The following DNAH9 variants were observed in gnomAD, a reference collection of about 807,000 sequenced individuals.
DNAH9 encodes the protein dynein axonemal heavy chain 9.
Under a neutral mutation model 471.6 loss-of-function variants are expected in DNAH9, and 345 were observed. The observed-to-expected ratio is 0.73, with a 90% CI of 0.67 to 0.80. The LOEUF is 0.80. DNAH9 is among the 30% of genes least tolerant of loss of function. DNAH9 has a pLI of 0.00. For synonymous variants in DNAH9, 2,093 were observed against 2,123.6 expected (o/e 0.99, Z 0.40); for missense variants, 5,407 against 5,609.2 (o/e 0.96, Z 1.15).
chr17:11,749,163 C>G (rs143681796), intron 32 of DNAH9, among the ~76,000 whole-genome samples: 3,471 of 147,332 alleles, frequency 0.024, 69 homozygotes, highest in East Asian at 0.084. Context: ...CAGCCGACTG[C>G]AAGCTCTGCC....
chr17:11,610,870 A>G (rs907087086), intron 3 of DNAH9, among the ~76,000 whole-genome samples: 3 of 152,146 alleles, frequency 2.0e-5, no homozygotes, highest in African/African-American at 7.2e-5. Flanking sequence ...ATTCTAACTT[A>G]TCTGCTCCCT....
At chr17:11,721,528 G>A (rs184358169) in intron 27 of DNAH9, among the ~76,000 whole-genome samples, 32 of 152,104 alleles carry the variant, frequency 2.1e-4, no homozygotes, top group African/African-American at 5.5e-4. Context: ...TAAAACACTC[G>A]CAATCCAATT....
intron 38 of DNAH9, among the ~76,000 whole-genome samples, chr17:11,777,843 TGAAATCATCAAAGA>T (rs1968495985): frequency 1.3e-5 from 2 of 152,310 alleles, no homozygotes; most frequent in Admixed American, 6.5e-5. Context: ...CAAATCATAG[TGAAATCATCAAAGA>T]TTTATCATCT....
intron 23 of DNAH9, 100 bp from the exon 24 acceptor site, chr17:11,701,022 G>T (rs779674289): frequency 1.5e-6 from 2 of 1,295,060 alleles, no homozygotes; most frequent in Non-Finnish European, 2.2e-6. Context: ...CAATGTGTGG[G>T]CTCCCTTTCC....
intron 59 of DNAH9, 40 bp downstream of exon 59, chr17:11,894,536 C>T: frequency 6.2e-7 from 1 of 1,600,620 alleles, no homozygotes; most frequent in Non-Finnish European, 8.5e-7. Flanking sequence ...GCTCTCATCT[C>T]TCAGAATTTA....
intron 6 of DNAH9, among the ~76,000 whole-genome samples, chr17:11,625,420 C>A (rs989901150): frequency 6.6e-6 from 1 of 152,200 alleles, no homozygotes; most frequent in African/African-American, 2.4e-5. Flanking sequence ...TCCCTTTTAG[C>A]CCGGCTTGAA....
chr17:11,847,016 C>T (rs1971248308), intron 49 of DNAH9, among the ~76,000 whole-genome samples: 1 of 151,878 alleles, frequency 6.6e-6, no homozygotes, highest in Admixed American at 6.6e-5. Flanking sequence ...TGCCTAATTG[C>T]CCTGGCCAGA....
chr17:11,746,974 T>C (rs9896157), intron 31 of DNAH9, among the ~76,000 whole-genome samples: 91,228 of 151,962 alleles, frequency 0.6, 29,159 homozygotes, highest in Admixed American at 0.74. Flanking sequence ...AATCCTGAAA[T>C]GACAGCCGTT....
At chr17:11,928,409 G>A (rs1231513335) in intron 62 of DNAH9, among the ~76,000 whole-genome samples, 3 of 152,158 alleles carry the variant, frequency 2.0e-5, no homozygotes, top group Non-Finnish European at 4.4e-5. Flanking sequence ...CCAAGTGCTG[G>A]GCTCAGCTCT....
intron 61 of DNAH9, among the ~76,000 whole-genome samples, chr17:11,917,210 A>G (rs568768654): frequency 1.3e-5 from 2 of 151,982 alleles, no homozygotes; most frequent in Non-Finnish European, 2.9e-5. Context: ...CTGGAGTGCA[A>G]TGGCACGATC....
intron 68 of DNAH9, among the ~76,000 whole-genome samples, chr17:11,964,761 A>G (rs1976545659): frequency 6.6e-6 from 1 of 152,154 alleles, no homozygotes; most frequent in African/African-American, 2.4e-5. Context: ...TTACCTATAA[A>G]ACCAACAGAC....
chr17:11,778,637 C>T (rs981987723), intron 38 of DNAH9, among the ~76,000 whole-genome samples: 2 of 151,732 alleles, frequency 1.3e-5, no homozygotes, highest in African/African-American at 4.8e-5. Flanking sequence ...GTGTAGTTAC[C>T]AGGTGAGAGC....
In DNAH9 at chr17:11,932,353, G is replaced by A. The variant is rs1446057241; in HGVS notation, c.12297+148G>A. 7.2e-6 allele frequency: 6 copies of A among 832,558 alleles called. No homozygotes were observed. The African/African-American group carries it at 8.6e-5, about 12-fold the overall frequency. The allele number at this position is 832,558 out of a possible 1,614,324, so 51.6% of individuals were successfully genotyped here. A position where few individuals can be genotyped will look rare whatever the true frequency, so the allele number is the denominator to read the frequency against. On this transcript the variant is annotated intron_variant, in intron 64 of 68. Coordinates refer to ENST00000262442, the MANE Select transcript of DNAH9 (RefSeq NM_001372.4). This position sits in a 1 kb window ranked among gnomAD's most constrained non-coding sequence, Gnocchi z 4.3. ...CTCGTGATGCAGATGCTGCTGATTC[G>A]GGGACCATAATTTAAGAGTGTAACA...
At chr17:11,613,328 A>G (rs1322824002) in intron 4 of DNAH9, among the ~76,000 whole-genome samples, 4 of 152,190 alleles carry the variant, frequency 2.6e-5, no homozygotes, top group East Asian at 1.9e-4. Context: ...TTTAAAAAAA[A>G]TATGTTAAAG....
intron 61 of DNAH9, among the ~76,000 whole-genome samples, chr17:11,913,466 G>T (rs1973850139): frequency 6.6e-6 from 1 of 151,998 alleles, no homozygotes; most frequent in Non-Finnish European, 1.5e-5. Context: ...TGTTGGGTAT[G>T]TTATAACTAA....
chr17:11,880,229 C>T (rs369222371), intron 54 of DNAH9, 29 bp downstream of exon 54: 126 of 1,609,064 alleles, frequency 7.8e-5, no homozygotes, highest in Non-Finnish European at 9.9e-5. Context: ...GCTGACCCTT[C>T]GGGGGGAGCT....
In DNAH9 at chr17:11,598,580, C is replaced by G; in HGVS notation, c.82C>G (p.Leu28Val). The change falls in exon 1 of 69, where the codon CTG becomes GTG. Residue 28 changes from leucine to valine, a missense_variant. Leu to Val is a conservative substitution (Grantham distance 32, BLOSUM62 1). Transcript: ENST00000262442. ...EPGADRRLRL[L>V]GTYVAMSLRP... ...CGGCGCCGACCGACGACTGCGACTCCTGGGGACCTACGTGGCCATGAGCCT... is the reference window on the plus strand; with the variant it reads ...CGGCGCCGACCGACGACTGCGACTCGTGGGGACCTACGTGGCCATGAGCCT... The G allele has an allele frequency of 7.2e-7, 1 of 1,394,234 alleles. No homozygotes were observed. The highest frequency in any genetic ancestry group is 9.2e-7 in the Non-Finnish European group (1 of 1,081,828). The allele number at this position is 1,394,234 out of a possible 1,614,324, so 86.4% of individuals were successfully genotyped here. A position where few individuals can be genotyped will look rare whatever the true frequency, so the allele number is the denominator to read the frequency against.
At chr17:11,810,162 G>C in intron 44 of DNAH9, 84 bp from the exon 45 acceptor site, 1 of 1,465,242 alleles carries the variant, frequency 6.8e-7, no homozygotes, top group South Asian at 1.4e-5. Flanking sequence ...AGAAGAAAAC[G>C]GTTCCATTTC....
At chr17:11,634,363 G>T (rs956541629) in intron 8 of DNAH9, among the ~76,000 whole-genome samples, 11 of 152,186 alleles carry the variant, frequency 7.2e-5, no homozygotes, top group Admixed American at 1.3e-4. Flanking sequence ...AGGCTGGGGA[G>T]TAGGGACCAG....
Sources: allele counts gnomAD v4.1 joint callset (sites outside exome capture counted in the v4.1 genomes callset), GRCh38; gene constraint gnomAD v4.1.1; non-coding constraint Gnocchi (gnomAD v3.1); transcripts MANE v1.5; gene names NCBI Gene and HGNC (gene_info 2026-07-23, HGNC 2026-07-21).